Variants in ACTN3 observed in about 807,000 individuals in gnomAD.
ACTN3 encodes alpha-actinin-3.
In ACTN3, 91 loss-of-function variants were observed where a neutral mutation model predicts 119.6. The ratio of observed to expected loss-of-function variants is 0.76; its 90% CI spans 0.64 to 0.91. The LOEUF (loss-of-function observed/expected upper bound fraction) is 0.91. Among genes scored for constraint, ACTN3 ranks in the 40% least tolerant of loss-of-function variants. The probability of loss-of-function intolerance (pLI) is 0.00; values close to 1 mark genes in which losing one functional copy is unlikely to be tolerated. For synonymous variants in ACTN3, 456 were observed against 478.8 expected (o/e 0.95, Z 0.62); for missense variants, 1,221 against 1,215.1 (o/e 1.00, Z -0.07).
intron 13 of ACTN3, 33 bp downstream of exon 13, chr11:66,560,109 G>GGGGGGGGGGGGGGGGGGGGGGGC: frequency 9.5e-7 from 1 of 1,048,688 alleles, no homozygotes; most frequent in Non-Finnish European, 1.4e-6. Context: ...TGGGGGGTGG[G>GGGGGGGGGGGGGGGGGGGGGGGC]TAGGTGGGTG....
At chr11:66,559,879 C>A in intron 12 of ACTN3, 89 bp from the exon 13 acceptor site, 1 of 1,323,788 alleles carries the variant, frequency 7.6e-7, no homozygotes, top group Non-Finnish European at 1.1e-6. Flanking sequence ...CCTTCACCCC[C>A]ATCCGGGGAG....
chr11:66,551,697 G>C (rs779962099), intron 3 of ACTN3, 50 bp downstream of exon 3: 2 of 1,606,394 alleles, frequency 1.2e-6, no homozygotes, highest in Admixed American at 3.4e-5. Flanking sequence ...GGCCTCTCTT[G>C]ACATCAGCAA....
At position 66,557,929 on chromosome 11, in the gene ACTN3, G is replaced by A. The variant is rs578185230; in HGVS notation, c.1128G>A (p.Ser376=). Residue 376 remains serine (S), a splice_region_variant and synonymous_variant, in exon 10 of 21, where the codon TCG becomes TCA. Transcript: ENST00000513398. ...TGCCCTCCGAGGGCAAGCTGGTCTC[G>A]GTGAGCTCTACACACATTCCCTAGG... ...AFMPSEGKLV[S]DIANAWRGLE... 2.0e-5 allele frequency: 32 copies of A among 1,566,880 alleles called. No individual in the cohort carries two copies. The highest frequency in any genetic ancestry group is 1.5e-4 in the South Asian group (13 of 84,418).
At chr11:66,557,356 C>T in intron 9 of ACTN3, 131 bp downstream of exon 9, 1 of 820,692 alleles carries the variant, frequency 1.2e-6, no homozygotes, top group Non-Finnish European at 1.9e-6. Flanking sequence ...CAGCCTCCTC[C>T]TGTCCATCCC....
chr11:66,562,268 G>GAT lies in ACTN3; in HGVS notation c.2335_2336dup (p.Met779IlefsTer2), dbSNP rs766360367. The GAT allele has an allele frequency of 1.1e-5, 17 of 1,613,806 alleles. No homozygotes were observed. Among genetic ancestry groups the GAT allele is most frequent in the Non-Finnish European group, 1.4e-5 (17 of 1,179,870 alleles). On this transcript the variant is annotated frameshift_variant, in exon 19 of 21. Transcript: ENST00000513398. LOFTEE classifies it high-confidence loss of function. The stretch of plus-strand genomic sequence containing the variant: ...CTCACCCCCTACAGAAGCAGAATGG[G>GAT]ATGATGGAGCCTGATGACTTCCGAG...
Position 66,561,484 on chromosome 11 carries a change from A to T in ACTN3, c.2022A>T (p.Leu674=). Residue 674 remains leucine (L), a synonymous_variant, in exon 17 of 21, where the codon CTA becomes CTT. Coordinates refer to ENST00000513398, the MANE Select transcript of ACTN3 (RefSeq NM_001104.4). ...AAGTGGGGCGGCTGGCAGCAGGGCT[A>T]GCTGGCTCTCTGGAGGAGCAGATGG... ...VEEVGRLAAG[L]AGSLEEQMAG... The T allele has an allele frequency of 1.9e-6, 3 of 1,602,096 alleles. No individual in the cohort carries two copies. Among genetic ancestry groups the T allele is most frequent in the Non-Finnish European group, 2.6e-6 (3 of 1,174,516 alleles).
Position 66,547,016 on chromosome 11 carries a change from A to G in ACTN3, c.79A>G (p.Met27Val), listed in dbSNP as rs773265708. ...FAGGGGGGEY[M>V]EQEEDWDRDL... ...GGGCGGCGGCGGGGGCGGCGAGTACATGGAACAGGAGGAGGACTGGGACCG... is the reference window on the plus strand; with the variant it reads ...GGGCGGCGGCGGGGGCGGCGAGTACGTGGAACAGGAGGAGGACTGGGACCG... The change falls in exon 1 of 21, where the codon ATG becomes GTG. Residue 27 changes from methionine (M) to valine (V), a missense_variant. Coordinates refer to ENST00000513398, the MANE Select transcript of ACTN3 (RefSeq NM_001104.4). The G allele has an allele frequency of 2.6e-6, 4 of 1,524,946 alleles. No homozygotes were observed. The highest frequency in any genetic ancestry group is 3.5e-6 in the Non-Finnish European group (4 of 1,140,514). The allele number at this position is 1,524,946 out of a possible 1,614,324, so 94.5% of individuals were successfully genotyped here. A position where few individuals can be genotyped will look rare whatever the true frequency, so the allele number is the denominator to read the frequency against.
At chr11:66,559,468 C>T in intron 12 of ACTN3, 82 bp downstream of exon 12, 1 of 1,304,628 alleles carries the variant, frequency 7.7e-7, no homozygotes, top group Non-Finnish European at 1.0e-6. Context: ...CCCCATTGCC[C>T]TTCTCAAGAC....
intron 1 of ACTN3, 102 bp downstream of exon 1, chr11:66,547,186 C>G (rs2134911221): frequency 7.6e-7 from 1 of 1,320,558 alleles, no homozygotes; most frequent in East Asian, 2.8e-5. Flanking sequence ...TGTCTTTAAC[C>G]TAGAGTGCTA....
chr11:66,562,204 T>C (rs1565310240), intron 18 of ACTN3, 36 bp downstream of exon 18: 1 of 1,613,812 alleles, frequency 6.2e-7, no homozygotes. Context: ...GTAAGACACT[T>C]GGGGGCTGGT....
intron 15 of ACTN3, 98 bp downstream of exon 15, chr11:66,560,853 T>C: frequency 7.4e-7 from 1 of 1,346,964 alleles, no homozygotes; most frequent in Non-Finnish European, 1.0e-6. Flanking sequence ...AAGTCCATCT[T>C]CAGATGTGGG....
At position 66,563,106 on chromosome 11, in the gene ACTN3, G is replaced by A; in HGVS notation, c.2619G>A (p.Met873Ile). Residue 873 changes from methionine (M) to isoleucine (I), a missense_variant, in exon 21 of 21, where the codon ATG becomes ATA. By Grantham distance (10) the Met-to-Ile change is conservative (BLOSUM62 1). Coordinates refer to ENST00000513398, the MANE Select transcript of ACTN3 (RefSeq NM_001104.4). ...AGGCCGAGTACTGCATCCGCCGTAT[G>A]GTGCCCTACAAGGGATCCGGGGCCC... ...AKQAEYCIRR[M>I]VPYKGSGAPA... The A allele has an allele frequency of 6.2e-7, 1 of 1,613,436 alleles. No homozygotes were observed. The highest frequency in any genetic ancestry group is 8.5e-7 in the Non-Finnish European group (1 of 1,179,798).
In ACTN3 at chr11:66,562,864, G is replaced by A; in HGVS notation, c.2457G>A (p.Gln819=). Residue 819 remains glutamine, a synonymous_variant, in exon 20 of 21, where the codon CAG becomes CAA. Transcript: ENST00000513398. Reference sequence around the variant, plus strand: ...ACGCAGCTGGGGTGGTGACCTTCCAGGCCTTCATAGACTTCATGACCCGAG... The same window carrying A: ...ACGCAGCTGGGGTGGTGACCTTCCAAGCCTTCATAGACTTCATGACCCGAG... ...DPNAAGVVTF[Q]AFIDFMTRET... is the part of the protein sequence containing the mutation. 1 of 1,613,878 alleles carries A rather than the reference G, an allele frequency of 6.2e-7. No homozygotes were observed. Among genetic ancestry groups the A allele is most frequent in the Non-Finnish European group, 8.5e-7 (1 of 1,179,834 alleles).
At position 66,557,810 on chromosome 11, in the gene ACTN3, C is replaced by T. The variant is rs1452487798; in HGVS notation, c.1009C>T (p.His337Tyr). ...GGACTTTCGGGACTACCGGCGTCTG[C>T]ACAAGCCGCCCCGCATTCAGGAAAA... ...LEDFRDYRRL[H>Y]KPPRIQEKCQ... Residue 337 changes from histidine (H) to tyrosine (Y), a missense_variant, in exon 10 of 21, where the codon CAC (histidine) becomes TAC (tyrosine). Physicochemically the swap from His to Tyr is moderately conservative, Grantham distance 83. Around this residue, in one of 3 missense-constraint regions of ACTN3, gnomAD observed 934 missense variants for 899.9 expected, o/e 1.04. Transcript: ENST00000513398. The T allele has an allele frequency of 6.2e-7, 1 of 1,614,078 alleles. No individual in the cohort carries two copies. The highest frequency in any genetic ancestry group is 1.7e-5 in the Admixed American group (1 of 59,994).
chr11:66,552,896 A>T (rs1449952682), intron 3 of ACTN3, among the ~76,000 whole-genome samples: 4 of 150,798 alleles, frequency 2.7e-5, no homozygotes, highest in African/African-American at 9.8e-5. Context: ...ACACACACAC[A>T]CACACACACA....
upstream of ACTN3, chr11:66,546,845 C>T (rs1344626271): frequency 1.3e-6 from 2 of 1,511,590 alleles, no homozygotes; most frequent in East Asian, 4.9e-5. Flanking sequence ...ATATTTAGTG[C>T]GAATTCGATC....
At position 66,560,205 on chromosome 11, in the gene ACTN3, T is replaced by C; in HGVS notation, c.1571T>C (p.Leu524Pro). 1 of 1,610,778 alleles carries C rather than the reference T, an allele frequency of 6.2e-7. No individual in the cohort carries two copies. The highest frequency in any genetic ancestry group is 1.1e-5 in the South Asian group (1 of 90,354). The change falls in exon 14 of 21, where the codon CTG (leucine) becomes CCG (proline). Residue 524 changes from leucine (L) to proline (P), a missense_variant. Coordinates refer to ENST00000513398, the MANE Select transcript of ACTN3 (RefSeq NM_001104.4). ...MEKLLETIDR[L>P]QLEFARRAAP... is the part of the protein sequence containing the mutation. ...AAGCTCCTGGAGACCATTGACCGGC[T>C]GCAACTGGAGTTTGCCCGGCGGGCC...
chr11:66,551,840 C>T, intron 3 of ACTN3, 193 bp downstream of exon 3: 1 of 378,666 alleles, frequency 2.6e-6, no homozygotes, highest in Non-Finnish European at 3.6e-6. Flanking sequence ...CTTTGGGAGG[C>T]CAAGGCCAGT....
At chr11:66,546,845 C>A (rs1344626271), upstream of ACTN3, 6 of 1,511,470 alleles carry the variant, frequency 4.0e-6, no homozygotes, top group Admixed American at 8.6e-5. Context: ...ATATTTAGTG[C>A]GAATTCGATC....
Sources: allele counts gnomAD v4.1 joint callset (sites outside exome capture counted in the v4.1 genomes callset), GRCh38; gene constraint gnomAD v4.1.1; regional missense constraint gnomAD v4.1.1; transcripts MANE v1.5; gene names NCBI Gene and HGNC (gene_info 2026-07-23, HGNC 2026-07-21).